Variants in RASA3 observed in about 807,000 individuals in gnomAD.
The protein encoded by RASA3 is ras GTPase-activating protein 3.
RASA3 carries 73 observed loss-of-function variants against 110.0 expected under a neutral mutation model. That is an observed-to-expected ratio of 0.66 (90% CI 0.55 to 0.81). The LOEUF (loss-of-function observed/expected upper bound fraction) is 0.81. Ranked by LOEUF, RASA3 falls within the 30% of genes least tolerant of loss-of-function variation. The pLI, the probability that RASA3 is intolerant of heterozygous loss-of-function variation, is 0.00. For missense variants in RASA3, 976 were observed against 1,113.2 expected (o/e 0.88, Z 1.75); for synonymous variants, 500 against 451.4 (o/e 1.11, Z -1.37).
At chr13:114,054,220 G>A (rs2079199246) in intron 2 of RASA3, among the ~76,000 whole-genome samples, 1 of 152,160 alleles carries the variant, frequency 6.6e-6, no homozygotes, top group African/African-American at 2.4e-5. Context: ...CTTATATACA[G>A]AATATATAAA....
At chr13:114,047,658 T>C (rs771902364) in intron 3 of RASA3, among the ~76,000 whole-genome samples, 5 of 152,040 alleles carry the variant, frequency 3.3e-5, no homozygotes, top group Non-Finnish European at 5.9e-5. Context: ...ATCCAGAGGG[T>C]GGATGAGGCG....
At chr13:114,030,901 C>G (rs899502348) in intron 4 of RASA3, among the ~76,000 whole-genome samples, 1 of 145,240 alleles carries the variant, frequency 6.9e-6, no homozygotes, top group Non-Finnish European at 1.5e-5. Context: ...CTGTGTGTGT[C>G]TATGTGTGTC....
intron 1 of RASA3, among the ~76,000 whole-genome samples, chr13:114,101,365 C>T (rs1396384782): frequency 6.6e-6 from 1 of 152,196 alleles, no homozygotes; most frequent in Non-Finnish European, 1.5e-5. Context: ...ACCCCCTGCA[C>T]CCCCACGGCC....
intron 3 of RASA3, among the ~76,000 whole-genome samples, chr13:114,051,275 G>A (rs1024478627): frequency 1.3e-5 from 2 of 152,178 alleles, no homozygotes; most frequent in African/African-American, 2.4e-5. Context: ...CTGGCTCCCC[G>A]GCCGCCCGTC....
At chr13:114,013,275 G>A (rs183688099) in intron 14 of RASA3, 27 bp from the exon 15 acceptor site, 27 of 1,570,940 alleles carry the variant, frequency 1.7e-5, no homozygotes, top group African/African-American at 9.4e-5. Flanking sequence ...CAGGGTGACC[G>A]TTTTCCTCGG....
In RASA3 at chr13:114,015,300, G is replaced by A. The variant is rs150525229; in HGVS notation, c.1314C>T (p.Phe438=). Residue 438 remains phenylalanine (F), a synonymous_variant, in exon 14 of 24, where the codon TTC becomes TTT. Transcript: ENST00000334062. The stretch of plus-strand genomic sequence containing the variant: ...TCACCCCAGACTCAGTGATGGCGTG[G>A]AAGACGCGGTCCACATACTGCCGTA... The part of the protein sequence containing the change: ...ENLRQYVDRV[F]HAITESGVSC... 2.7e-5 allele frequency: 43 copies of A among 1,612,970 alleles called. No homozygotes were observed. Among genetic ancestry groups the A allele is most frequent in the Non-Finnish European group, 3.6e-5 (42 of 1,179,994 alleles).
chr13:114,002,421 G>A (rs1312734398), intron 18 of RASA3, among the ~76,000 whole-genome samples: 1 of 152,070 alleles, frequency 6.6e-6, no homozygotes, highest in African/African-American at 2.4e-5. Context: ...CAGGCAGGAA[G>A]TCAGCCCAGG....
chr13:114,046,808 A>T (rs1264309764), intron 3 of RASA3, among the ~76,000 whole-genome samples: 1 of 152,224 alleles, frequency 6.6e-6, no homozygotes, highest in Non-Finnish European at 1.5e-5. Flanking sequence ...TAAGCTGTAA[A>T]TGTGCCAAAG....
rs115306503 is a variant in RASA3 at position 114,002,296 on chromosome 13, G to A, written c.1743-1364C>T. ...AGAGAGCTGTGGACGCACACCGGAG[G>A]GTGTGGAAGCTGCTGGGAGCTGTTC... On this transcript the variant is annotated intron_variant, in intron 18 of 23. Coordinates refer to ENST00000334062, the MANE Select transcript of RASA3 (RefSeq NM_007368.4). Among the ~76,000 whole-genome samples, 1,302 of 152,364 alleles carry A rather than the reference G, an allele frequency of 8.5e-3. 23 individuals are homozygous for A. Among genetic ancestry groups the A allele is most frequent in the African/African-American group, 0.029 (1,223 of 41,590 alleles).
intron 9 of RASA3, 112 bp from the exon 10 acceptor site, chr13:114,019,031 G>C: frequency 7.4e-7 from 1 of 1,360,464 alleles, no homozygotes; most frequent in Non-Finnish European, 1.0e-6. Flanking sequence ...GGGTGATCCT[G>C]TAGGACCCCT....
intron 1 of RASA3, among the ~76,000 whole-genome samples, chr13:114,098,127 C>T (rs1468910988): frequency 6.6e-6 from 1 of 152,166 alleles, no homozygotes; most frequent in Non-Finnish European, 1.5e-5. Flanking sequence ...AACCCCAAGT[C>T]TGGGGGCTGC....
chr13:114,007,568 G>A lies in RASA3; in HGVS notation c.1707C>T (p.Pro569=). 1.2e-6 allele frequency: 2 copies of A among 1,613,490 alleles called. No individual in the cohort carries two copies. The highest frequency in any genetic ancestry group is 1.7e-6 in the Non-Finnish European group (2 of 1,179,838). ...GCACGATGGGCTGCTCAACACTCTT[G>A]GGGTCTCTTCTCCCCGAGGACGAAA... ...DLISSSGRRD[P]KSVEQPIVLK... Residue 569 remains proline (P), a synonymous_variant, in exon 18 of 24, where the codon CCC becomes CCT. Transcript: ENST00000334062.
intron 1 of RASA3, among the ~76,000 whole-genome samples, chr13:114,089,053 G>A (rs867976950): frequency 1.2e-4 from 19 of 152,218 alleles, no homozygotes; most frequent in African/African-American, 4.6e-4. Flanking sequence ...AGAGCCTGGC[G>A]AGTCCCGAAT....
chr13:113,991,960 C>A (rs1347275189), intron 22 of RASA3, among the ~76,000 whole-genome samples: 3 of 152,080 alleles, frequency 2.0e-5, no homozygotes. Flanking sequence ...CACTCACACA[C>A]GTCCATTCAT....
At chr13:114,034,331 G>A (rs1449823845) in intron 4 of RASA3, among the ~76,000 whole-genome samples, 1 of 152,270 alleles carries the variant, frequency 6.6e-6, no homozygotes, top group Non-Finnish European at 1.5e-5. Context: ...GCAGACGGAG[G>A]TAGCTCTATT....
chr13:114,064,882 C>T (rs1228965002), intron 2 of RASA3, among the ~76,000 whole-genome samples: 3 of 152,220 alleles, frequency 2.0e-5, no homozygotes, highest in Non-Finnish European at 2.9e-5. Flanking sequence ...AGAAAAAGTG[C>T]GGCCTGAGAG....
intron 2 of RASA3, among the ~76,000 whole-genome samples, chr13:114,070,645 C>T (rs934673165): frequency 2.6e-5 from 4 of 151,564 alleles, no homozygotes; most frequent in African/African-American, 7.3e-5. Flanking sequence ...CCGGCGTCCA[C>T]GCTAAACGGC....
intron 1 of RASA3, among the ~76,000 whole-genome samples, chr13:114,089,575 A>G (rs2079865800): frequency 6.6e-6 from 1 of 152,094 alleles, no homozygotes; most frequent in Non-Finnish European, 1.5e-5. Flanking sequence ...GCAGGAGGAA[A>G]GGGCAGGCCT....
Position 113,999,603 on chromosome 13 carries a change from C to CG in RASA3, c.1913_1914insC (p.Glu638AspfsTer63). ...CACTCACGTTTTTCATTTTGAAAGA[C>CG]TCCTCCTCCAGCTTCTCCACTGCCA... On this transcript the variant is annotated frameshift_variant, in exon 20 of 24. Coordinates refer to ENST00000334062, the MANE Select transcript of RASA3 (RefSeq NM_007368.4). LOFTEE classifies it high-confidence loss of function. The CG allele has an allele frequency of 1.2e-6, 2 of 1,613,342 alleles. No homozygotes were observed. Among genetic ancestry groups the CG allele is most frequent in the Non-Finnish European group, 1.7e-6 (2 of 1,179,820 alleles).
Sources: gnomAD v4.1 joint callset for allele counts (sites outside exome capture counted in the v4.1 genomes callset) on GRCh38, gnomAD v4.1.1 for gene constraint, MANE v1.5 for transcripts, NCBI Gene and HGNC (gene_info 2026-07-23, HGNC 2026-07-21) for gene names.